Variants in RELN observed in about 807,000 individuals in gnomAD.
RELN encodes reelin.
A neutral mutation model predicts 427.6 loss-of-function variants in RELN; 108 were observed. The observed-to-expected ratio is 0.25, with a 90% CI of 0.22 to 0.30. The LOEUF (loss-of-function observed/expected upper bound fraction) is 0.30, where lower values mean the gene tolerates loss of function less well. Ranked by LOEUF, RELN falls within the 10% of genes least tolerant of loss-of-function variation. The pLI is 1.00. For synonymous variants in RELN, 1,524 were observed against 1,513.4 expected (o/e 1.01, Z -0.16); for missense variants, 3,715 against 4,302.8 (o/e 0.86, Z 3.82).
chr7:103,664,035 T>C (rs998181455), intron 11 of RELN, among the ~76,000 whole-genome samples: 1 of 152,112 alleles, frequency 6.6e-6, no homozygotes, highest in African/African-American at 2.4e-5. Flanking sequence ...CAAGTCCCGG[T>C]TGTGTCAGTG....
At chr7:103,680,805 T>A (rs964662944) in intron 11 of RELN, among the ~76,000 whole-genome samples, 1 of 152,116 alleles carries the variant, frequency 6.6e-6, no homozygotes, top group Non-Finnish European at 1.5e-5. Context: ...CACATGAAAC[T>A]TCAGGGTGTC....
At chr7:103,589,886 A>C (rs1831370471) in intron 27 of RELN, 58 bp from the exon 28 acceptor site, 2 of 1,016,998 alleles carry the variant, frequency 2.0e-6, no homozygotes, top group African/African-American at 3.2e-5. Flanking sequence ...ATCACTCAAC[A>C]AATTAGATGC....
intron 1 of RELN, among the ~76,000 whole-genome samples, chr7:103,919,941 T>C (rs543048130): frequency 1.9e-4 from 29 of 152,322 alleles, no homozygotes; most frequent in Admixed American, 7.2e-4. Flanking sequence ...AGGAAACTTA[T>C]AACTTTCAGG....
intron 49 of RELN, 72 bp from the exon 50 acceptor site, chr7:103,515,513 C>G: frequency 6.3e-7 from 1 of 1,581,382 alleles, no homozygotes; most frequent in Non-Finnish European, 8.6e-7. Context: ...AAAAGATTTA[C>G]AACCAGCCAT....
At chr7:103,673,040 C>G (rs939611448) in intron 11 of RELN, among the ~76,000 whole-genome samples, 3 of 152,008 alleles carry the variant, frequency 2.0e-5, no homozygotes, top group South Asian at 2.1e-4. Flanking sequence ...CTCATAAGGG[C>G]AAATATACAG....
At position 103,611,696 on chromosome 7, in the gene RELN, C is replaced by T. The variant is rs756821721; in HGVS notation, c.2810G>A (p.Gly937Asp). 1 of 1,613,716 alleles carries T rather than the reference C, an allele frequency of 6.2e-7. No individual in the cohort carries two copies. Among genetic ancestry groups the T allele is most frequent in the African/African-American group, 1.3e-5 (1 of 74,894 alleles). ...GTCCATGTGTGGGGTGTATTTCTGG[C>T]CACATCCCATCACCAAACTGAACTG... is the stretch of plus-strand genomic sequence containing the variant. ...MIQFSLVMGCGQKYTPHMDNQ... is the reference protein window; with the variant it reads ...MIQFSLVMGCDQKYTPHMDNQ... Residue 937 changes from glycine to aspartate, a missense_variant, in exon 21 of 65, where the codon GGC becomes GAC. By Grantham distance (94) the Gly-to-Asp change is moderately conservative. Coordinates refer to ENST00000428762, the MANE Select transcript of RELN (RefSeq NM_005045.4).
intron 11 of RELN, among the ~76,000 whole-genome samples, chr7:103,664,435 G>T (rs1279133658): frequency 6.6e-6 from 1 of 152,258 alleles, no homozygotes; most frequent in East Asian, 1.9e-4. Context: ...CCAGCTTTAG[G>T]AGAATTGAGG....
chr7:103,987,969 T>C (rs1438308413), intron 1 of RELN, among the ~76,000 whole-genome samples: 1 of 152,096 alleles, frequency 6.6e-6, no homozygotes, highest in Non-Finnish European at 1.5e-5. Flanking sequence ...AACAGAAAAA[T>C]CTTAAGGATT....
chr7:103,631,099 T>C (rs1184706267), intron 19 of RELN, among the ~76,000 whole-genome samples: 1 of 151,852 alleles, frequency 6.6e-6, no homozygotes, highest in Non-Finnish European at 1.5e-5. Context: ...TATTTTTCCT[T>C]TAAATAATTT....
intron 31 of RELN, among the ~76,000 whole-genome samples, chr7:103,570,029 G>A (rs908383885): frequency 6.6e-6 from 1 of 152,180 alleles, no homozygotes; most frequent in African/African-American, 2.4e-5. Context: ...TTTGTTCAAG[G>A]ATTTAAGCAG....
At chr7:103,976,243 T>G (rs1299657366) in intron 1 of RELN, among the ~76,000 whole-genome samples, 3 of 152,212 alleles carry the variant, frequency 2.0e-5, no homozygotes, top group African/African-American at 7.2e-5. Flanking sequence ...AATGCTAAAC[T>G]GGACGGACAC....
intron 2 of RELN, among the ~76,000 whole-genome samples, chr7:103,835,636 A>T (rs1793381721): frequency 1.3e-5 from 2 of 152,220 alleles, no homozygotes; most frequent in Admixed American, 1.3e-4. Context: ...TATTTAAAAA[A>T]TTACTAAAAG....
In RELN at chr7:103,561,687, G is replaced by A; in HGVS notation, c.5374C>T (p.Pro1792Ser). The part of the protein sequence containing the change: ...RCVCDRGFGG[P>S]YCVPVVPLPS... The stretch of plus-strand genomic sequence containing the variant: ...AGAGGAACAACAGGAACACAATAGG[G>A]TCCACCAAAGCCCCGGTCACACCTA... Residue 1792 changes from proline (P) to serine (S), a missense_variant, in exon 36 of 65, where the codon CCC (proline) becomes TCC (serine). Physicochemically the swap from Pro to Ser is moderately conservative, Grantham distance 74. Coordinates refer to ENST00000428762, the MANE Select transcript of RELN (RefSeq NM_005045.4). 6.2e-7 allele frequency: 1 copy of A among 1,613,886 alleles called. No homozygotes were observed. Among genetic ancestry groups the A allele is most frequent in the East Asian group, 2.2e-5 (1 of 44,864 alleles).
intron 1 of RELN, among the ~76,000 whole-genome samples, chr7:103,980,316 C>T (rs1177394077): frequency 2.6e-5 from 4 of 151,838 alleles, no homozygotes; most frequent in African/African-American, 9.7e-5. Context: ...TAGGTGATTG[C>T]TTTGTGCTTT....
intron 29 of RELN, among the ~76,000 whole-genome samples, chr7:103,575,186 A>T (rs1233464288): frequency 6.6e-6 from 1 of 152,230 alleles, no homozygotes; most frequent in East Asian, 1.9e-4. Context: ...GTTTCCTTAA[A>T]TATAAATAGG....
chr7:103,486,047 ATG>A, intron 61 of RELN, 148 bp downstream of exon 61: 1 of 725,824 alleles, frequency 1.4e-6, no homozygotes, highest in East Asian at 2.7e-5. Context: ...TGAAACATAT[ATG>A]CTTCCTTGTC....
Position 103,491,998 on chromosome 7 carries a change from C to G in RELN, c.9398G>C (p.Cys3133Ser). 1.2e-6 allele frequency: 2 copies of G among 1,613,520 alleles called. No homozygotes were observed. Among genetic ancestry groups the G allele is most frequent in the Non-Finnish European group, 1.7e-6 (2 of 1,179,786 alleles). ...KIVVGCEATSCGDLHSVMLEY... is the reference protein window; with the variant it reads ...KIVVGCEATSSGDLHSVMLEY... ...CAGCATTACGGAATGAAGGTCACCACAAGAAGTGGCTTCACAACCCACCAC... is the reference window on the plus strand; with the variant it reads ...CAGCATTACGGAATGAAGGTCACCAGAAGAAGTGGCTTCACAACCCACCAC... The change falls in exon 58 of 65, where the codon TGT becomes TCT. Residue 3133 changes from cysteine (C) to serine (S), a missense_variant. Physicochemically the swap from Cys to Ser is moderately radical, Grantham distance 112 (BLOSUM62 -1). This residue lies in a region of RELN where 1,310 missense variants were observed against 1,643.0 expected (regional missense o/e 0.80). Coordinates refer to ENST00000428762, the MANE Select transcript of RELN (RefSeq NM_005045.4).
chr7:103,789,947 A>G (rs535687241), intron 3 of RELN, among the ~76,000 whole-genome samples: 1 of 152,258 alleles, frequency 6.6e-6, no homozygotes, highest in East Asian at 1.9e-4. Context: ...TGGCCCATTA[A>G]TGTTAGACTG....
At chr7:103,481,776 T>C (rs1446347551) in intron 63 of RELN, among the ~76,000 whole-genome samples, 1 of 152,216 alleles carries the variant, frequency 6.6e-6, no homozygotes, top group Non-Finnish European at 1.5e-5. Context: ...TTTATTCTGC[T>C]GGAATAACGT....
Sources: gnomAD v4.1 joint callset for allele counts (sites outside exome capture counted in the v4.1 genomes callset) on GRCh38, gnomAD v4.1.1 for gene constraint, gnomAD v4.1.1 regional missense constraint, MANE v1.5 for transcripts, NCBI Gene and HGNC (gene_info 2026-07-23, HGNC 2026-07-21) for gene names.